TSPAN9: variants seen among roughly 807,000 people sequenced by gnomAD.
TSPAN9 encodes the protein tetraspanin 9, also known as tetraspanin-9.
Under a neutral mutation model 31.0 loss-of-function variants are expected in TSPAN9, and 16 were observed. The ratio of observed to expected loss-of-function variants is 0.52; its 90% confidence interval spans 0.35 to 0.78. The LOEUF (loss-of-function observed/expected upper bound fraction) is 0.78, where lower values mean the gene tolerates loss of function less well. TSPAN9 is among the 30% of genes least tolerant of loss of function. TSPAN9 has a pLI of 0.01. For missense variants in TSPAN9, 272 were observed against 312.5 expected (o/e 0.87, Z 0.98); for synonymous variants, 145 against 121.6 (o/e 1.19, Z -1.27).
intron 2 of TSPAN9, among the ~76,000 whole-genome samples, chr12:3,109,815 A>AAG (rs57005197): frequency 7.1e-6 from 1 of 140,030 alleles, no homozygotes; most frequent in Non-Finnish European, 1.6e-5. Context: ...AAAAAAAAAA[A>AAG]GACTTTTTAG....
intron 3 of TSPAN9, 67 bp downstream of exon 3, chr12:3,201,323 A>ACC: frequency 6.9e-7 from 1 of 1,441,412 alleles, no homozygotes; most frequent in East Asian, 2.3e-5. Context: ...TAGCGTGAAT[A>ACC]CCCTCTCCCT....
chr12:3,193,165 T>C (rs982196799), intron 2 of TSPAN9, among the ~76,000 whole-genome samples: 3 of 152,132 alleles, frequency 2.0e-5, no homozygotes, highest in African/African-American at 7.2e-5. Context: ...GCCCAGAGTG[T>C]TCCCCCTTTG....
At chr12:3,082,611 A>G (rs1565568680) in intron 1 of TSPAN9, among the ~76,000 whole-genome samples, 1 of 152,128 alleles carries the variant, frequency 6.6e-6, no homozygotes, top group Non-Finnish European at 1.5e-5. Flanking sequence ...AGGGGACGTC[A>G]TGGTAGGGAG....
At chr12:3,183,191 A>G (rs2098359359) in intron 2 of TSPAN9, among the ~76,000 whole-genome samples, 1 of 152,186 alleles carries the variant, frequency 6.6e-6, no homozygotes, top group Admixed American at 6.5e-5. Flanking sequence ...GAGTGATTTC[A>G]TGCTGCTTCT....
At chr12:3,164,889 C>T (rs1311463903) in intron 2 of TSPAN9, among the ~76,000 whole-genome samples, 3 of 152,200 alleles carry the variant, frequency 2.0e-5, no homozygotes, top group Admixed American at 2.0e-4. Flanking sequence ...ATCCTGGCCT[C>T]TCCATTTCTG....
intron 3 of TSPAN9, among the ~76,000 whole-genome samples, chr12:3,220,016 A>G (rs2153974831): frequency 6.6e-6 from 1 of 152,008 alleles, no homozygotes; most frequent in South Asian, 2.1e-4. Context: ...GTAGTGGCGC[A>G]TGCTTGTAGT....
intron 2 of TSPAN9, among the ~76,000 whole-genome samples, chr12:3,116,809 T>A (rs189125714): frequency 3.3e-5 from 5 of 152,268 alleles, no homozygotes; most frequent in African/African-American, 9.6e-5. Context: ...ACAGAACCCC[T>A]CTGTCTCTTC....
chr12:3,249,241 C>G (rs898434589), intron 3 of TSPAN9, among the ~76,000 whole-genome samples: 1 of 152,310 alleles, frequency 6.6e-6, no homozygotes, highest in Non-Finnish European at 1.5e-5. Context: ...CTCAATGACT[C>G]CAGGCACCCC....
intron 3 of TSPAN9, among the ~76,000 whole-genome samples, chr12:3,271,392 A>G (rs974593060): frequency 6.6e-6 from 1 of 152,208 alleles, no homozygotes; most frequent in Non-Finnish European, 1.5e-5. Flanking sequence ...GGGTCCTACC[A>G]TAGCTGGAGC....
chr12:3,096,111 G>C (rs905235193), intron 2 of TSPAN9, among the ~76,000 whole-genome samples: 2 of 152,144 alleles, frequency 1.3e-5, no homozygotes, highest in African/African-American at 4.8e-5. Flanking sequence ...CCATCCTCCC[G>C]GCGGTCGGGC....
chr12:3,283,386 G>GC lies in TSPAN9; in HGVS notation c.*271dup, dbSNP rs1381724286. On this transcript the variant is annotated 3_prime_UTR_variant, in exon 9 of 9. Transcript: ENST00000011898. ...CAAAGACGACAGGGTGGGCTGGGGT[G>GC]CGCTCCGGAGGAACCCCCGGCACTG... 9 of 416,958 alleles carry GC rather than the reference G, an allele frequency of 2.2e-5. No homozygotes were observed. The highest frequency in any genetic ancestry group is 1.9e-4 in the African/African-American group (9 of 48,264). 25.8% of individuals were successfully genotyped at this position (416,958 alleles called of 1,614,324 possible).
intron 2 of TSPAN9, among the ~76,000 whole-genome samples, chr12:3,139,163 T>C (rs1181316789): frequency 6.6e-6 from 1 of 152,198 alleles, no homozygotes; most frequent in Non-Finnish European, 1.5e-5. Context: ...CATGGCTGTT[T>C]TGCTTTTGGT....
intron 3 of TSPAN9, among the ~76,000 whole-genome samples, chr12:3,237,605 T>A (rs2098394482): frequency 7.8e-6 from 1 of 127,896 alleles, no homozygotes; most frequent in South Asian, 2.6e-4. Context: ...AGCCCACTCT[T>A]CTTTCTCTGA....
chr12:3,205,905 T>G (rs1555151793), intron 3 of TSPAN9, among the ~76,000 whole-genome samples: 1 of 151,844 alleles, frequency 6.6e-6, no homozygotes, highest in Non-Finnish European at 1.5e-5. Flanking sequence ...TGTGTTCACT[T>G]CCTCTCCACA....
At position 3,097,575 on chromosome 12, in the gene TSPAN9, G is replaced by A. The variant is rs1591626601; in HGVS notation, c.-18+13856G>A. ...CAGGGAGGGGGCAGGGGAAGAGAGGGAAAGTTCAAGACGATTTCCTCTTCC... is the reference window on the plus strand; with the variant it reads ...CAGGGAGGGGGCAGGGGAAGAGAGGAAAAGTTCAAGACGATTTCCTCTTCC... On this transcript the variant is annotated intron_variant, in intron 2 of 8. Transcript: ENST00000011898. Among the ~76,000 whole-genome samples the A allele has an allele frequency of 2.0e-5, 3 of 152,204 alleles. No homozygotes were observed. The South Asian group carries it at 6.2e-4, about 32-fold the overall frequency.
At chr12:3,218,817 C>T (rs1327575208) in intron 3 of TSPAN9, among the ~76,000 whole-genome samples, 1 of 152,224 alleles carries the variant, frequency 6.6e-6, no homozygotes, top group East Asian at 1.9e-4. Context: ...ACAAATGCAT[C>T]TGGCTGGAAT....
chr12:3,138,632 CA>C (rs11295678), intron 2 of TSPAN9, among the ~76,000 whole-genome samples: 6 of 149,840 alleles, frequency 4.0e-5, no homozygotes, highest in African/African-American at 1.5e-4. Flanking sequence ...ATCCGCCATA[CA>C]AAAAAAAAAA....
At chr12:3,117,649 T>C (rs933498306) in intron 2 of TSPAN9, among the ~76,000 whole-genome samples, 8 of 152,184 alleles carry the variant, frequency 5.3e-5, no homozygotes, top group African/African-American at 1.7e-4. Context: ...GGAAAGGCCA[T>C]CCCTAATTTC....
intron 3 of TSPAN9, among the ~76,000 whole-genome samples, chr12:3,237,732 A>G (rs931401542): frequency 6.6e-5 from 10 of 152,160 alleles, no homozygotes; most frequent in African/African-American, 2.2e-4. Context: ...CTCCCCAGGC[A>G]CAGAGAGGGC....
Sources: gnomAD v4.1 joint callset for allele counts (sites outside exome capture counted in the v4.1 genomes callset) on GRCh38, gnomAD v4.1.1 for gene constraint, MANE v1.5 for transcripts, NCBI Gene and HGNC (gene_info 2026-07-23, HGNC 2026-07-21) for gene names.